The following SORCS3 variants were observed in gnomAD, a reference collection of about 807,000 sequenced individuals.
SORCS3 encodes the protein sortilin related VPS10 domain containing receptor 3.
Under a neutral mutation model 146.3 loss-of-function variants are expected in SORCS3, and 57 were observed. The ratio of observed to expected loss-of-function variants is 0.39; its 90% CI spans 0.31 to 0.49. The LOEUF (loss-of-function observed/expected upper bound fraction) is 0.49. SORCS3 is among the 20% of genes least tolerant of loss of function. The probability of loss-of-function intolerance (pLI) is 0.92; values close to 1 mark genes in which losing one functional copy is unlikely to be tolerated. For synonymous variants in SORCS3, 653 were observed against 618.5 expected, an observed-to-expected ratio of 1.06 and a Z score of -0.83; for missense variants, 1,341 against 1,575.5, an observed-to-expected ratio of 0.85 and a Z score of 2.52.
intron 1 of SORCS3, among the ~76,000 whole-genome samples, chr10:104,835,077 A>G (rs1197858826): frequency 6.6e-6 from 1 of 152,106 alleles, no homozygotes; most frequent in African/African-American, 2.4e-5. Context: ...TTGTAAACTC[A>G]TGCTGTGCAA....
Position 104,870,731 on chromosome 10 carries a change from G to C in SORCS3, c.695+27872G>C, listed in dbSNP as rs549232433. ...TGATACGGTCATTTTCCCATGTTGAGCATGACCTCGCAGGGCTGTGCCCAG... is the reference window on the plus strand; with the variant it reads ...TGATACGGTCATTTTCCCATGTTGACCATGACCTCGCAGGGCTGTGCCCAG... On this transcript the variant is annotated intron_variant, in intron 2 of 26. Transcript: ENST00000369701. 3.3e-5 allele frequency among the ~76,000 whole-genome samples: 5 copies of C among 152,276 alleles called. No individual in the cohort carries two copies. In the East Asian group the frequency reaches 9.7e-4, roughly 30 times the overall value.
chr10:104,977,541 A>G (rs748373352), intron 4 of SORCS3, 48 bp downstream of exon 4: 2 of 1,506,962 alleles, frequency 1.3e-6, no homozygotes, highest in South Asian at 1.3e-5. Context: ...AGGTACCACC[A>G]TGTGAAAATC....
intron 2 of SORCS3, among the ~76,000 whole-genome samples, chr10:104,887,190 G>A (rs1033607152): frequency 5.9e-5 from 9 of 152,194 alleles, no homozygotes; most frequent in African/African-American, 1.7e-4. Flanking sequence ...GTTCATAAAT[G>A]CTAAAGGACT....
At chr10:105,079,646 G>A (rs1462968730) in intron 5 of SORCS3, among the ~76,000 whole-genome samples, 1 of 152,066 alleles carries the variant, frequency 6.6e-6, no homozygotes, top group African/African-American at 2.4e-5. Flanking sequence ...ATGGGGGTTT[G>A]ATGTACAGAT....
chr10:105,084,704 C>T (rs555811189), intron 5 of SORCS3, among the ~76,000 whole-genome samples: 8 of 150,634 alleles, frequency 5.3e-5, no homozygotes, highest in South Asian at 2.1e-4. Flanking sequence ...AGCAATTAAG[C>T]GTGTCCAGCT....
intron 7 of SORCS3, among the ~76,000 whole-genome samples, chr10:105,138,219 A>G (rs1194603423): frequency 6.6e-6 from 1 of 152,132 alleles, no homozygotes; most frequent in Non-Finnish European, 1.5e-5. Flanking sequence ...CTCTGCCTTC[A>G]TGCTGACTCT....
chr10:104,934,298 G>A (rs1396123251), intron 3 of SORCS3, among the ~76,000 whole-genome samples: 1 of 152,218 alleles, frequency 6.6e-6, no homozygotes, highest in Non-Finnish European at 1.5e-5. Flanking sequence ...GAAAGGTTAA[G>A]GCTATGTATG....
At chr10:104,952,500 A>G (rs1164952671) in intron 3 of SORCS3, among the ~76,000 whole-genome samples, 1 of 152,042 alleles carries the variant, frequency 6.6e-6, no homozygotes, top group Non-Finnish European at 1.5e-5. Flanking sequence ...GAAACGCATT[A>G]CTCGAAATTA....
intron 2 of SORCS3, among the ~76,000 whole-genome samples, chr10:104,908,565 T>C (rs1345570712): frequency 6.6e-6 from 1 of 152,228 alleles, no homozygotes; most frequent in Non-Finnish European, 1.5e-5. Flanking sequence ...GATCTGGCTC[T>C]GAGTCTAGTT....
At chr10:104,991,863 G>C (rs989198803) in intron 4 of SORCS3, among the ~76,000 whole-genome samples, 19 of 152,092 alleles carry the variant, frequency 1.2e-4, no homozygotes, top group Non-Finnish European at 1.5e-5. Context: ...AACCTCATTT[G>C]AACTTATTTA....
chr10:105,058,160 GA>G (rs1267524094), intron 5 of SORCS3, among the ~76,000 whole-genome samples: 9 of 152,204 alleles, frequency 5.9e-5, no homozygotes, highest in African/African-American at 2.2e-4. Flanking sequence ...CAGCTCTGCA[GA>G]CTTAGCATTT....
intron 24 of SORCS3, among the ~76,000 whole-genome samples, 165 bp from the exon 25 acceptor site, chr10:105,256,654 A>G (rs893443138): frequency 4.6e-5 from 7 of 152,228 alleles, no homozygotes; most frequent in Non-Finnish European, 2.9e-5. Flanking sequence ...TGCCATTGCC[A>G]TCATTGAAGC....
intron 6 of SORCS3, among the ~76,000 whole-genome samples, chr10:105,091,542 CTCCCTCCT>C (rs2055709099): frequency 7.2e-6 from 1 of 138,800 alleles, no homozygotes; most frequent in Admixed American, 7.1e-5. Context: ...TCCTCCCTCC[CTCCCTCCT>C]TCCCTCCTTC....
At position 105,039,782 on chromosome 10, in the gene SORCS3, G is replaced by A. The variant is rs993468553; in HGVS notation, c.955-3273G>A. On this transcript the variant is annotated intron_variant, in intron 4 of 26. Coordinates refer to ENST00000369701, the MANE Select transcript of SORCS3 (RefSeq NM_014978.3). ...TCGCTCTCTTTATGTTAGAAAGAGCGTGAGAGGACAGGAACCATGCTGCTC... is the reference window on the plus strand; with the variant it reads ...TCGCTCTCTTTATGTTAGAAAGAGCATGAGAGGACAGGAACCATGCTGCTC... Among the ~76,000 whole-genome samples, 11 of 152,074 alleles carry A rather than the reference G, an allele frequency of 7.2e-5. 1 individual carries two copies. In the South Asian group the frequency reaches 1.0e-3, roughly 14 times the overall value.
At chr10:105,258,358 GCAA>G (rs2056942653) in intron 25 of SORCS3, among the ~76,000 whole-genome samples, 1 of 152,144 alleles carries the variant, frequency 6.6e-6, no homozygotes, top group African/African-American at 2.4e-5. Flanking sequence ...CCTGGTTAAG[GCAA>G]CACCCATTTA....
chr10:104,683,974 A>G (rs1589456537), intron 1 of SORCS3, among the ~76,000 whole-genome samples: 1 of 152,238 alleles, frequency 6.6e-6, no homozygotes, highest in African/African-American at 2.4e-5. Context: ...ATAGGGGTCT[A>G]TAGAAAGCTC....
intron 4 of SORCS3, among the ~76,000 whole-genome samples, chr10:105,008,553 G>A (rs574724091): frequency 6.6e-6 from 1 of 152,196 alleles, no homozygotes; most frequent in African/African-American, 2.4e-5. Context: ...TAGGCACAAT[G>A]TTGTTAGAGG....
intron 7 of SORCS3, among the ~76,000 whole-genome samples, chr10:105,134,753 G>T (rs2056047510): frequency 6.6e-6 from 1 of 152,058 alleles, no homozygotes; most frequent in Admixed American, 6.6e-5. Flanking sequence ...TTCCATCCAT[G>T]GCCCCACAAA....
intron 4 of SORCS3, among the ~76,000 whole-genome samples, chr10:105,000,856 A>C (rs969195376): frequency 6.6e-6 from 1 of 152,136 alleles, no homozygotes. Context: ...TCTTTTCCTT[A>C]TGTAGGTATT....
Sources: allele counts gnomAD v4.1 joint callset (sites outside exome capture counted in the v4.1 genomes callset), GRCh38; gene constraint gnomAD v4.1.1; transcripts MANE v1.5; gene names NCBI Gene and HGNC (gene_info 2026-07-23, HGNC 2026-07-21).